FAM124A: variants seen among roughly 807,000 people sequenced by gnomAD.
FAM124A encodes the protein protein FAM124A.
FAM124A carries 23 observed loss-of-function variants against 24.5 expected under a neutral mutation model. The ratio of observed to expected loss-of-function variants is 0.94; its 90% CI spans 0.68 to 1.33. The LOEUF is 1.33. Ranked by LOEUF, FAM124A falls within the 40% of genes most tolerant of loss-of-function variation. The pLI, the probability that FAM124A is intolerant of heterozygous loss-of-function variation, is 0.00. For missense variants in FAM124A, 623 were observed against 722.8 expected, an observed-to-expected ratio of 0.86 and a Z score of 1.58; for synonymous variants, 287 against 314.7, an observed-to-expected ratio of 0.91 and a Z score of 0.93.
intron 3 of FAM124A, among the ~76,000 whole-genome samples, chr13:51,266,619 G>A (rs1954788764): frequency 6.6e-6 from 1 of 152,104 alleles, no homozygotes; most frequent in Admixed American, 6.5e-5. Flanking sequence ...AAGTGGCAAG[G>A]GCAGGAAGCT....
At chr13:51,232,145 A>T (rs182226565) in intron 2 of FAM124A, among the ~76,000 whole-genome samples, 1 of 152,316 alleles carries the variant, frequency 6.6e-6, no homozygotes, top group African/African-American at 2.4e-5. Flanking sequence ...GATCAGGAAT[A>T]TGTTTACAAA....
chr13:51,252,496 T>G, intron 3 of FAM124A: 1 of 456,828 alleles, frequency 2.2e-6, no homozygotes, highest in East Asian at 3.2e-5. Context: ...CCATGACTCC[T>G]GGGGATTTCA....
chr13:51,252,269 T>A (rs1357143260), intron 3 of FAM124A, 68 bp downstream of exon 3: 2 of 1,545,994 alleles, frequency 1.3e-6, no homozygotes, highest in South Asian at 1.2e-5. Flanking sequence ...CCTCAAACAC[T>A]ATAGTACCAG....
At chr13:51,261,166 T>C (rs538270552) in intron 3 of FAM124A, among the ~76,000 whole-genome samples, 12 of 152,274 alleles carry the variant, frequency 7.9e-5, no homozygotes, top group South Asian at 2.1e-4. Flanking sequence ...TTACTCCCGC[T>C]TGGGCTCTGG....
chr13:51,277,733 G>A (rs1267494029), intron 3 of FAM124A, among the ~76,000 whole-genome samples: 3 of 152,204 alleles, frequency 2.0e-5, no homozygotes, highest in Non-Finnish European at 4.4e-5. Context: ...GGCAGAGGAT[G>A]CAGTGGGCTG....
chr13:51,227,514 C>T (rs1195025148), intron 1 of FAM124A: 2 of 152,236 alleles, frequency 1.3e-5, no homozygotes, highest in Non-Finnish European at 2.9e-5. Flanking sequence ...TCCAAATCCA[C>T]TTGAAAGATG....
At position 51,280,736 on chromosome 13, in the gene FAM124A, C is replaced by T; in HGVS notation, c.1121C>T (p.Ala374Val). 1 of 1,614,226 alleles carries T rather than the reference C, an allele frequency of 6.2e-7. No individual in the cohort carries two copies. The highest frequency in any genetic ancestry group is 1.3e-5 in the African/African-American group (1 of 75,058). The change falls in exon 4 of 4, where the codon GCC becomes GTC. Residue 374 changes from alanine (A) to valine (V), a missense_variant. Physicochemically the swap from Ala to Val is moderately conservative, Grantham distance 64. Coordinates refer to ENST00000322475, the MANE Select transcript of FAM124A (RefSeq NM_001242312.2). Reference protein sequence around the residue: ...FCLPTGGPSLASSAEPQWFSN... With the variant: ...FCLPTGGPSLVSSAEPQWFSN... ...TTGCCCACGGGAGGCCCCTCCCTGG[C>T]CTCCTCAGCTGAACCACAGTGGTTT... is the stretch of plus-strand genomic sequence containing the variant.
rs1275694362 is a variant in FAM124A at position 51,227,696 on chromosome 13, T to C, written c.69-3652T>C. ...TGTTTCATTAGTGATGTCTTCAAGA[T>C]TTGGCATGTAAGCCACTCTTTTGTA... On this transcript the variant is annotated intron_variant, in intron 1 of 3. Transcript: ENST00000322475. 2.6e-5 allele frequency among the ~76,000 whole-genome samples: 4 copies of C among 152,250 alleles called. No homozygotes were observed. The East Asian group carries it at 5.8e-4, about 22-fold the overall frequency.
At chr13:51,261,881 A>G (rs1379565752) in intron 3 of FAM124A, among the ~76,000 whole-genome samples, 1 of 152,254 alleles carries the variant, frequency 6.6e-6, no homozygotes, top group African/African-American at 2.4e-5. Flanking sequence ...GGAGCTGCTC[A>G]GGTCAGCAAA....
intron 2 of FAM124A, among the ~76,000 whole-genome samples, chr13:51,237,825 T>C (rs1164626429): frequency 6.6e-6 from 1 of 152,168 alleles, no homozygotes; most frequent in Non-Finnish European, 1.5e-5. Flanking sequence ...AGGTGTATGG[T>C]ATGAGAGAGC....
rs369530780 is a variant in FAM124A, at chr13:51,223,702, T to A, written c.68+1133T>A. On this transcript the variant is annotated intron_variant, in intron 1 of 3. Transcript: ENST00000322475. ...CATTCACCCAGCAATGGGCTTTCTC[T>A]GTTATCCAAACTTATTCATAGCTCT... 4.6e-5 allele frequency among the ~76,000 whole-genome samples: 7 copies of A among 152,360 alleles called. No individual in the cohort carries two copies. The East Asian group carries it at 1.4e-3, about 29-fold the overall frequency.
chr13:51,241,678 G>A (rs1474410504), intron 2 of FAM124A, among the ~76,000 whole-genome samples: 4 of 152,028 alleles, frequency 2.6e-5, no homozygotes, highest in Admixed American at 1.3e-4. Context: ...AACAAGTACC[G>A]GAGACTTGTC....
intron 1 of FAM124A, among the ~76,000 whole-genome samples, chr13:51,226,283 G>A (rs1247662718): frequency 1.3e-5 from 2 of 152,072 alleles, no homozygotes; most frequent in South Asian, 2.1e-4. Flanking sequence ...ATAGTTGTGA[G>A]CCACTGCTTC....
At chr13:51,225,516 T>A (rs1207555388) in intron 1 of FAM124A, among the ~76,000 whole-genome samples, 1 of 152,132 alleles carries the variant, frequency 6.6e-6, no homozygotes, top group Non-Finnish European at 1.5e-5. Flanking sequence ...TCAATGAGAA[T>A]GAGCTGATAA....
At chr13:51,277,102 G>A (rs1311335958) in intron 3 of FAM124A, among the ~76,000 whole-genome samples, 1 of 150,502 alleles carries the variant, frequency 6.6e-6, no homozygotes, top group South Asian at 2.1e-4. Context: ...GTGGATGACT[G>A]GAAAAAAAAA....
intron 2 of FAM124A, among the ~76,000 whole-genome samples, chr13:51,238,550 A>G (rs912938504): frequency 6.6e-6 from 1 of 152,236 alleles, no homozygotes; most frequent in African/African-American, 2.4e-5. Flanking sequence ...AATTGAAAAT[A>G]TGTTTATCCA....
rs2137687887 is a variant in FAM124A at position 51,258,370 on chromosome 13, GT to G, written c.834+6172del. On this transcript the variant is annotated intron_variant, in intron 3 of 3. Transcript: ENST00000322475. This position sits in a 1 kb window ranked among gnomAD's most constrained non-coding sequence, Gnocchi z 4.2. ...TAACAACTATCTTGTATATTTATCTGTTTACTTGTATCTGATCTGTCTCTGT... is the reference window on the plus strand; with the variant it reads ...TAACAACTATCTTGTATATTTATCTGTTACTTGTATCTGATCTGTCTCTGT... 6.6e-6 allele frequency among the ~76,000 whole-genome samples: 1 copy of G among 152,222 alleles called. No homozygotes were observed. Among genetic ancestry groups the G allele is most frequent in the South Asian group, 2.1e-4 (1 of 4,806 alleles).
In FAM124A at chr13:51,224,705, TGTTTGCTATC is replaced by T. The variant is rs1413644694; in HGVS notation, c.68+2140_68+2149del. The stretch of plus-strand genomic sequence containing the variant: ...TAGAAAGCACATAGAAGACAACAAG[TGTTTGCTATC>T]GTTAGTATTTTTAAAATGCAAATCT... On this transcript the variant is annotated intron_variant, in intron 1 of 3. Coordinates refer to ENST00000322475, the MANE Select transcript of FAM124A (RefSeq NM_001242312.2). 9.2e-5 allele frequency among the ~76,000 whole-genome samples: 14 copies of T among 152,164 alleles called. No individual in the cohort carries two copies. The East Asian group carries it at 2.7e-3, about 29-fold the overall frequency.
chr13:51,270,187 A>G (rs1475598714), intron 3 of FAM124A, among the ~76,000 whole-genome samples: 1 of 152,194 alleles, frequency 6.6e-6, no homozygotes, highest in Admixed American at 6.5e-5. Context: ...AAGGGTCCCC[A>G]GCAGGTTAAG....
Sources: allele counts gnomAD v4.1 joint callset (sites outside exome capture counted in the v4.1 genomes callset), GRCh38; gene constraint gnomAD v4.1.1; non-coding constraint Gnocchi (gnomAD v3.1); transcripts MANE v1.5; gene names NCBI Gene and HGNC (gene_info 2026-07-23, HGNC 2026-07-21).